RIT2: variants seen among roughly 807,000 people sequenced by gnomAD.
The protein encoded by RIT2 is GTP-binding protein Rit2.
Under a neutral mutation model 23.7 loss-of-function variants are expected in RIT2, and 24 were observed. That is an observed-to-expected ratio of 1.01 (90% CI 0.73 to 1.43). The LOEUF (loss-of-function observed/expected upper bound fraction) is 1.43, where lower values mean the gene tolerates loss of function less well. Ranked by LOEUF, RIT2 falls within the 40% of genes most tolerant of loss-of-function variation. RIT2 has a pLI of 0.00. For synonymous variants in RIT2, 107 were observed against 91.1 expected, an observed-to-expected ratio of 1.17 and a Z score of -0.99; for missense variants, 236 against 266.9, an observed-to-expected ratio of 0.88 and a Z score of 0.81.
At chr18:43,055,848 G>C (rs1287928922) in intron 1 of RIT2, among the ~76,000 whole-genome samples, 1 of 152,102 alleles carries the variant, frequency 6.6e-6, no homozygotes, top group Non-Finnish European at 1.5e-5. Flanking sequence ...TAGTAGGCAA[G>C]GATGTGAATG....
intron 3 of RIT2, among the ~76,000 whole-genome samples, chr18:42,940,258 A>ATATATAT (rs1555648063): frequency 6.4e-5 from 9 of 140,562 alleles, no homozygotes; most frequent in African/African-American, 2.2e-4. Flanking sequence ...ATATATATAT[A>ATATATAT]TATATATATA....
chr18:43,107,979 C>A (rs988906088), intron 1 of RIT2, among the ~76,000 whole-genome samples: 27 of 143,534 alleles, frequency 1.9e-4, no homozygotes, highest in African/African-American at 6.8e-4. Flanking sequence ...CTGGCTAACA[C>A]GGTGATACCC....
intron 1 of RIT2, among the ~76,000 whole-genome samples, chr18:43,111,498 A>G (rs3924792): frequency 0.17 from 26,024 of 152,100 alleles, 2,429 homozygotes; most frequent in East Asian, 0.37. Context: ...TGATGGATAC[A>G]CCATACCCTG....
At chr18:42,987,885 T>C (rs1008244246) in intron 2 of RIT2, among the ~76,000 whole-genome samples, 4 of 152,068 alleles carry the variant, frequency 2.6e-5, no homozygotes, top group African/African-American at 7.2e-5. Flanking sequence ...CAGGCTCTTT[T>C]CAGCAAGAGC....
chr18:42,775,632 G>A (rs946103533), intron 4 of RIT2, among the ~76,000 whole-genome samples: 2 of 152,046 alleles, frequency 1.3e-5, no homozygotes, highest in African/African-American at 4.8e-5. Context: ...GGGAGGCGGA[G>A]CTTGCAGTGA....
chr18:42,748,818 G>C (rs980817985), intron 4 of RIT2, among the ~76,000 whole-genome samples: 3 of 151,804 alleles, frequency 2.0e-5, no homozygotes, highest in African/African-American at 4.8e-5. Flanking sequence ...TACACTACTC[G>C]GGTGATGAAT....
At chr18:43,100,422 G>T (rs148375101) in intron 1 of RIT2, among the ~76,000 whole-genome samples, 1 of 152,150 alleles carries the variant, frequency 6.6e-6, no homozygotes, top group Non-Finnish European at 1.5e-5. Flanking sequence ...GACATTGGCT[G>T]TTAAAAGTGC....
At chr18:43,086,812 C>A (rs1329924393) in intron 1 of RIT2, among the ~76,000 whole-genome samples, 1 of 152,086 alleles carries the variant, frequency 6.6e-6, no homozygotes, top group South Asian at 2.1e-4. Flanking sequence ...TGGGCAAATG[C>A]CACACTAAAT....
intron 1 of RIT2, among the ~76,000 whole-genome samples, chr18:43,057,815 T>TTTTTTTTTTTTTTTTTTTTTTG (rs1555655196): frequency 6.6e-6 from 1 of 150,430 alleles, no homozygotes; most frequent in African/African-American, 2.5e-5. Context: ...TTTTTTTTTT[T>TTTTTTTTTTTTTTTTTTTTTTG]ATCATCTAAG....
At chr18:43,052,289 T>G (rs995738035) in intron 1 of RIT2, among the ~76,000 whole-genome samples, 1 of 152,136 alleles carries the variant, frequency 6.6e-6, no homozygotes, top group South Asian at 2.1e-4. Context: ...AAATAATGGC[T>G]GCTCTGAGAA....
intron 2 of RIT2, among the ~76,000 whole-genome samples, chr18:42,976,745 G>A (rs189995458): frequency 6.6e-6 from 1 of 152,198 alleles, no homozygotes; most frequent in Admixed American, 6.6e-5. Flanking sequence ...CTTCAAATGT[G>A]CATTTTAGAA....
At chr18:43,046,927 G>A (rs753684279) in intron 1 of RIT2, among the ~76,000 whole-genome samples, 57 of 152,040 alleles carry the variant, frequency 3.7e-4, no homozygotes, top group Non-Finnish European at 5.6e-4. Context: ...GCTCTTCAGG[G>A]TGCTCAGTAA....
chr18:43,049,602 T>C (rs1470414639), intron 1 of RIT2, among the ~76,000 whole-genome samples: 1 of 152,192 alleles, frequency 6.6e-6, no homozygotes, highest in Non-Finnish European at 1.5e-5. Context: ...TTGCAGGTTC[T>C]AATTTAGCAA....
chr18:43,033,286 G>C lies in RIT2; in HGVS notation c.160+525C>G, dbSNP rs571641123. The stretch of plus-strand genomic sequence containing the variant: ...AACTGGGTAGGAGGAATAAAACATG[G>C]GTGGTGTTTTGGCTCTAGCAATATT... On this transcript the variant is annotated intron_variant, in intron 2 of 4. Coordinates refer to ENST00000326695, the MANE Select transcript of RIT2 (RefSeq NM_002930.4). Among the ~76,000 whole-genome samples, 11 of 152,192 alleles carry C rather than the reference G, an allele frequency of 7.2e-5. No homozygotes were observed. In the South Asian group the frequency reaches 1.9e-3, roughly 26 times the overall value.
At chr18:42,804,919 G>A (rs974320802) in intron 4 of RIT2, among the ~76,000 whole-genome samples, 1 of 152,182 alleles carries the variant, frequency 6.6e-6, no homozygotes, top group Non-Finnish European at 1.5e-5. Context: ...CCATTGGAAA[G>A]GGAACAAGGA....
chr18:42,940,236 C>CTATATATATATATATATATA (rs5824460), intron 3 of RIT2, among the ~76,000 whole-genome samples: 13 of 86,954 alleles, frequency 1.5e-4, no homozygotes, highest in East Asian at 6.2e-4. Flanking sequence ...GAAAGGCTCA[C>CTATATATATATATATATATA]TATATATATA....
chr18:43,084,752 G>C (rs1391211824), intron 1 of RIT2, among the ~76,000 whole-genome samples: 3 of 152,084 alleles, frequency 2.0e-5, no homozygotes, highest in Non-Finnish European at 4.4e-5. Flanking sequence ...ACTAGGGGAG[G>C]GATAGCATTA....
intron 2 of RIT2, among the ~76,000 whole-genome samples, chr18:43,017,302 A>T (rs1911497221): frequency 6.6e-6 from 1 of 152,000 alleles, no homozygotes; most frequent in South Asian, 2.1e-4. Context: ...GGTCATGTCT[A>T]CATGAATACT....
At chr18:42,773,082 G>A (rs766381456) in intron 4 of RIT2, among the ~76,000 whole-genome samples, 2 of 151,988 alleles carry the variant, frequency 1.3e-5, no homozygotes, top group Non-Finnish European at 2.9e-5. Context: ...CTTCATCCAA[G>A]GAAAAATAAA....
Sources: gnomAD v4.1 joint callset for allele counts (sites outside exome capture counted in the v4.1 genomes callset) on GRCh38, gnomAD v4.1.1 for gene constraint, MANE v1.5 for transcripts, NCBI Gene and HGNC (gene_info 2026-07-23, HGNC 2026-07-21) for gene names.